BMERB1: variants seen among roughly 807,000 people sequenced by gnomAD.
BMERB1 encodes the protein bMERB domain-containing protein 1.
BMERB1 carries 12 observed loss-of-function variants against 23.6 expected under a neutral mutation model. The ratio of observed to expected loss-of-function variants is 0.51; its 90% CI spans 0.33 to 0.82. The LOEUF is 0.82. Among genes scored for constraint, BMERB1 ranks in the 40% least tolerant of loss-of-function variants. The pLI is 0.03. For missense variants in BMERB1, 247 were observed against 255.4 expected, an observed-to-expected ratio of 0.97 and a Z score of 0.22; for synonymous variants, 122 against 96.6, an observed-to-expected ratio of 1.26 and a Z score of -1.54.
intron 2 of BMERB1, among the ~76,000 whole-genome samples, chr16:15,552,439 C>CAA (rs375736789): frequency 1.4e-5 from 2 of 142,578 alleles, no homozygotes; most frequent in African/African-American, 5.1e-5. Context: ...GACTCCATCT[C>CAA]AAAAAAAAAA....
At chr16:15,533,752 AAG>A (rs879926394) in intron 2 of BMERB1, among the ~76,000 whole-genome samples, 1 of 152,088 alleles carries the variant, frequency 6.6e-6, no homozygotes, top group Non-Finnish European at 1.5e-5. Flanking sequence ...CAAGAATAAC[AAG>A]AGAGACAGTG....
intron 1 of BMERB1, among the ~76,000 whole-genome samples, chr16:15,506,790 G>A (rs1390839300): frequency 1.3e-5 from 2 of 152,098 alleles, no homozygotes; most frequent in African/African-American, 4.8e-5. Context: ...TGAGGAGATG[G>A]ATTTGAGTCT....
intron 1 of BMERB1, among the ~76,000 whole-genome samples, chr16:15,436,318 A>T (rs1372511040): frequency 6.8e-6 from 1 of 146,654 alleles, no homozygotes; most frequent in African/African-American, 2.5e-5. Flanking sequence ...GAGTGCAATG[A>T]CACAATCTCG....
chr16:15,579,415 C>T (rs965808237), intron 3 of BMERB1, among the ~76,000 whole-genome samples: 3 of 152,136 alleles, frequency 2.0e-5, no homozygotes, highest in African/African-American at 7.2e-5. Flanking sequence ...AAGCCTATTG[C>T]CCTTCTTCGT....
chr16:15,513,241 T>TA (rs1327569078), intron 1 of BMERB1, among the ~76,000 whole-genome samples: 1 of 152,286 alleles, frequency 6.6e-6, no homozygotes, highest in South Asian at 2.1e-4. Context: ...GGAACATTCT[T>TA]ACGGTGAAAA....
Position 15,533,074 on chromosome 16 carries a change from G to T in BMERB1, c.230+17646G>T, listed in dbSNP as rs1010616562. ...AGCCATGCATCCAGTATCTCGCAGG[G>T]TGGTCATGAGGAGTAAAAGAGATCA... On this transcript the variant is annotated intron_variant, in intron 2 of 5. Transcript: ENST00000300006. 24 of 453,872 alleles carry T rather than the reference G, an allele frequency of 5.3e-5. 1 individual carries two copies. The highest frequency in any genetic ancestry group is 3.4e-4 in the African/African-American group (17 of 49,978). 28.1% of individuals were successfully genotyped at this position (453,872 alleles called of 1,614,324 possible).
At chr16:15,454,201 A>G (rs2051065283) in intron 1 of BMERB1, among the ~76,000 whole-genome samples, 1 of 152,192 alleles carries the variant, frequency 6.6e-6, no homozygotes, top group South Asian at 2.1e-4. Flanking sequence ...AAGAGAAAAT[A>G]ATGTTGGACA....
At chr16:15,539,768 G>A (rs567363629) in intron 2 of BMERB1, among the ~76,000 whole-genome samples, 1 of 151,896 alleles carries the variant, frequency 6.6e-6, no homozygotes, top group East Asian at 1.9e-4. Context: ...TCTTGAACCC[G>A]GGAGGTGGAG....
intron 1 of BMERB1, among the ~76,000 whole-genome samples, chr16:15,444,055 T>C (rs546204256): frequency 6.8e-6 from 1 of 148,106 alleles, no homozygotes; most frequent in East Asian, 2.0e-4. Flanking sequence ...GAAGGGGATT[T>C]CAGGTAAGCT....
intron 1 of BMERB1, among the ~76,000 whole-genome samples, chr16:15,453,483 A>G (rs901175774): frequency 5.9e-5 from 9 of 152,048 alleles, no homozygotes; most frequent in African/African-American, 1.9e-4. Flanking sequence ...TTGGGAGGCC[A>G]AGGCAGGAGG....
chr16:15,560,254 C>A (rs115752208), intron 2 of BMERB1, among the ~76,000 whole-genome samples: 2,333 of 152,312 alleles, frequency 0.015, 62 homozygotes, highest in African/African-American at 0.053. Context: ...ATGCTAAGGG[C>A]AGCCTTGGAG....
chr16:15,447,884 CATTTATTT>C (rs772788188), intron 1 of BMERB1: 2 of 455,536 alleles, frequency 4.4e-6, no homozygotes, highest in African/African-American at 2.0e-5. Flanking sequence ...AAAGAAGTAG[CATTTATTT>C]ATTTATTTAT....
At chr16:15,479,882 A>G (rs760919922) in intron 1 of BMERB1, among the ~76,000 whole-genome samples, 10 of 151,482 alleles carry the variant, frequency 6.6e-5, no homozygotes, top group Non-Finnish European at 1.2e-4. Context: ...GGAGATTGAG[A>G]ATGAAGTGAG....
At chr16:15,570,227 C>G (rs752561472) in intron 3 of BMERB1, among the ~76,000 whole-genome samples, 1 of 152,102 alleles carries the variant, frequency 6.6e-6, no homozygotes, top group African/African-American at 2.4e-5. Flanking sequence ...ACCTAGGAGC[C>G]GGGCTTGCAG....
In BMERB1 at chr16:15,581,222, G is replaced by A. The variant is rs201702585; in HGVS notation, c.310G>A (p.Glu104Lys). 6.5e-5 allele frequency: 104 copies of A among 1,610,254 alleles called. No homozygotes were observed. The highest frequency in any genetic ancestry group is 8.7e-5 in the Non-Finnish European group (103 of 1,178,382). Residue 104 changes from glutamate (E) to lysine (K), a missense_variant, in exon 4 of 6, where the codon GAA becomes AAA. Transcript: ENST00000300006. ...LQNLVAIPEKEKTKLQKQRED... is the reference protein window; with the variant it reads ...LQNLVAIPEKKKTKLQKQRED... ...TGTTGATGTCTTCTTTCCAGAAAAA[G>A]AAAAAACCAAACTGCAGAAGCAGAG...
intron 1 of BMERB1, chr16:15,447,919 T>TG (rs2051003892): frequency 4.4e-6 from 2 of 455,794 alleles, no homozygotes; most frequent in Non-Finnish European, 8.8e-6. Context: ...GACAGAGTCT[T>TG]GCTGTTGTCT....
chr16:15,487,384 A>G (rs1376343848), intron 1 of BMERB1, among the ~76,000 whole-genome samples: 1 of 152,156 alleles, frequency 6.6e-6, no homozygotes, highest in Non-Finnish European at 1.5e-5. Flanking sequence ...TCTTTCCTGG[A>G]TGTCTTAGAA....
At chr16:15,497,936 G>A (rs2051490157) in intron 1 of BMERB1, among the ~76,000 whole-genome samples, 1 of 152,158 alleles carries the variant, frequency 6.6e-6, no homozygotes. Flanking sequence ...CTCCAAACCA[G>A]TGCTTCTCCA....
At chr16:15,572,505 A>G (rs1255434858) in intron 3 of BMERB1, among the ~76,000 whole-genome samples, 2 of 152,208 alleles carry the variant, frequency 1.3e-5, no homozygotes, top group African/African-American at 4.8e-5. Flanking sequence ...GATTGTGGTG[A>G]TGGTTGCACA....
Sources: allele counts gnomAD v4.1 joint callset (sites outside exome capture counted in the v4.1 genomes callset), GRCh38; gene constraint gnomAD v4.1.1; transcripts MANE v1.5; gene names NCBI Gene and HGNC (gene_info 2026-07-23, HGNC 2026-07-21).